Variants in GRAMD2B observed in about 807,000 individuals in gnomAD.
GRAMD2B encodes GRAM domain-containing protein 2B.
Under a neutral mutation model 59.2 loss-of-function variants are expected in GRAMD2B, and 41 were observed. The ratio of observed to expected loss-of-function variants is 0.69; its 90% CI spans 0.54 to 0.90. The LOEUF is 0.90. GRAMD2B is among the 40% of genes least tolerant of loss of function. GRAMD2B has a pLI of 0.00. For synonymous variants in GRAMD2B, 161 were observed against 182.7 expected, an observed-to-expected ratio of 0.88 and a Z score of 0.96; for missense variants, 424 against 500.5, an observed-to-expected ratio of 0.85 and a Z score of 1.46.
At position 126,465,321 on chromosome 5, in the gene GRAMD2B, A is replaced by G. The variant is rs533853944; in HGVS notation, c.84-105A>G. ...AAAGTTAACTAGCCTATCAGTGAGGAATGAAAATCATTCCATTCTCTAGAA... is the reference window on the plus strand; with the variant it reads ...AAAGTTAACTAGCCTATCAGTGAGGGATGAAAATCATTCCATTCTCTAGAA... On this transcript the variant is annotated intron_variant, in intron 1 of 13. Transcript: ENST00000285689. 7 of 1,574,094 alleles carry G rather than the reference A, an allele frequency of 4.4e-6. No individual in the cohort carries two copies. The South Asian group carries it at 8.4e-5, about 19-fold the overall frequency.
rs772024044 is a variant in GRAMD2B, at chr5:126,436,363, A to T, written c.83+12674A>T. 4.8e-4 allele frequency among the ~76,000 whole-genome samples: 73 copies of T among 152,178 alleles called. 2 individuals are homozygous for T. Among genetic ancestry groups the T allele is most frequent in the Non-Finnish European group, 5.9e-5 (4 of 68,036 alleles). On this transcript the variant is annotated intron_variant, in intron 1 of 13. Coordinates refer to ENST00000285689, the MANE Select transcript of GRAMD2B (RefSeq NM_023927.4). ...AGGCATGAACTGTGTCCCCTAGAACATTAGGCCCGGTGCGGTGACTCACAC... is the reference window on the plus strand; with the variant it reads ...AGGCATGAACTGTGTCCCCTAGAACTTTAGGCCCGGTGCGGTGACTCACAC...
At chr5:126,463,726 G>A (rs1408396334) in intron 1 of GRAMD2B, among the ~76,000 whole-genome samples, 2 of 152,154 alleles carry the variant, frequency 1.3e-5, no homozygotes, top group African/African-American at 2.4e-5. Flanking sequence ...AATTAAGAGC[G>A]TCAACCATTT....
intron 1 of GRAMD2B, among the ~76,000 whole-genome samples, chr5:126,413,441 A>G (rs1319337116): frequency 2.0e-5 from 3 of 151,984 alleles, no homozygotes; most frequent in Non-Finnish European, 4.4e-5. Flanking sequence ...ATCGATTTTC[A>G]TTTTTATTCT....
rs1379434207 is a variant in GRAMD2B, at chr5:126,423,523, G to C, written c.-84G>C. On this transcript the variant is annotated 5_prime_UTR_variant, in exon 1 of 14. Coordinates refer to ENST00000285689, the MANE Select transcript of GRAMD2B (RefSeq NM_023927.4). ...GGGCACGGCGCCGCTTGCTTGGCCT[G>C]CGCACCCGGACCTAGAAGCCGGGAC... The C allele has an allele frequency of 2.3e-5, 36 of 1,553,254 alleles. No individual in the cohort carries two copies. Among genetic ancestry groups the C allele is most frequent in the Admixed American group, 1.6e-4 (8 of 49,386 alleles).
chr5:126,384,972 G>A (rs898131669), intron 1 of GRAMD2B, among the ~76,000 whole-genome samples: 8 of 152,052 alleles, frequency 5.3e-5, no homozygotes, highest in African/African-American at 1.2e-4. Context: ...GTTTCTAACC[G>A]ATCACTGAGC....
intron 1 of GRAMD2B, among the ~76,000 whole-genome samples, chr5:126,457,586 G>T (rs62394664): frequency 0.034 from 5,230 of 151,872 alleles, 106 homozygotes; most frequent in Middle Eastern, 0.048. Context: ...AGCCAAGATT[G>T]CACCACTGCA....
chr5:126,484,558 G>A, intron 10 of GRAMD2B, 34 bp downstream of exon 10: 2 of 1,577,716 alleles, frequency 1.3e-6, no homozygotes, highest in Non-Finnish European at 1.7e-6. Flanking sequence ...GGTGGGTTTA[G>A]AAGGATTGGA....
intron 1 of GRAMD2B, among the ~76,000 whole-genome samples, chr5:126,399,556 G>T (rs1047049799): frequency 7.2e-5 from 11 of 152,102 alleles, no homozygotes; most frequent in African/African-American, 2.7e-4. Context: ...CTTCCACCAT[G>T]ATTGTAAGTT....
chr5:126,481,219 G>A lies in GRAMD2B; in HGVS notation c.735+512G>A, dbSNP rs1319378111. ...AAAAAAAAAAAAAGAAAGAAAGAAA[G>A]AAAGAAAGAAAGAAAGAAAGAAAGA... is the stretch of plus-strand genomic sequence containing the variant. On this transcript the variant is annotated intron_variant, in intron 8 of 13. Coordinates refer to ENST00000285689, the MANE Select transcript of GRAMD2B (RefSeq NM_023927.4). Among the ~76,000 whole-genome samples the A allele has an allele frequency of 2.1e-4, 18 of 85,516 alleles. 1 individual carries two copies. The highest frequency in any genetic ancestry group is 2.5e-4 in the African/African-American group (5 of 19,648). The allele number at this position is 85,516 out of a possible 152,430, so 56.1% of individuals were successfully genotyped here.
intron 1 of GRAMD2B, among the ~76,000 whole-genome samples, chr5:126,402,187 G>A (rs1580805559): frequency 1.3e-5 from 2 of 152,012 alleles, no homozygotes; most frequent in South Asian, 4.1e-4. Context: ...GTATCTGTAG[G>A]GCTTCTACCA....
At chr5:126,398,381 T>C (rs1180208798) in intron 1 of GRAMD2B, among the ~76,000 whole-genome samples, 1 of 152,050 alleles carries the variant, frequency 6.6e-6, no homozygotes, top group Non-Finnish European at 1.5e-5. Context: ...TTCTAGGAAT[T>C]TCTTCTAATT....
chr5:126,443,980 A>G (rs192607851), intron 1 of GRAMD2B, among the ~76,000 whole-genome samples: 2 of 152,130 alleles, frequency 1.3e-5, no homozygotes, highest in African/African-American at 2.4e-5. Context: ...TGAACCCAGG[A>G]GGCAGAGGTT....
chr5:126,376,064 A>T (rs919291846), intron 1 of GRAMD2B, among the ~76,000 whole-genome samples: 31 of 152,238 alleles, frequency 2.0e-4, no homozygotes, highest in African/African-American at 7.2e-4. Context: ...TTGGTGAATT[A>T]AGAGTTTCAT....
intron 1 of GRAMD2B, among the ~76,000 whole-genome samples, chr5:126,380,555 T>C (rs1030052788): frequency 1.3e-5 from 2 of 152,198 alleles, no homozygotes; most frequent in African/African-American, 4.8e-5. Flanking sequence ...TTCCATTTGT[T>C]TGTGTTGTCT....
intron 1 of GRAMD2B, among the ~76,000 whole-genome samples, chr5:126,413,080 G>C (rs1401384542): frequency 6.6e-6 from 1 of 151,822 alleles, no homozygotes; most frequent in Admixed American, 6.6e-5. Context: ...TTGATTCTTT[G>C]AATGGAATTC....
chr5:126,384,652 TCTGTGACC>T (rs1246606078), intron 1 of GRAMD2B, among the ~76,000 whole-genome samples: 3 of 152,242 alleles, frequency 2.0e-5, no homozygotes, highest in Non-Finnish European at 2.9e-5. Context: ...AGGAGAATTA[TCTGTGACC>T]CTGGTCAGCT....
chr5:126,444,760 C>T (rs10052751), intron 1 of GRAMD2B, among the ~76,000 whole-genome samples: 5,498 of 152,154 alleles, frequency 0.036, 337 homozygotes, highest in African/African-American at 0.12. Flanking sequence ...CATAGGTAGA[C>T]GGGTGCCATG....
chr5:126,383,391 T>C (rs1755827402), intron 1 of GRAMD2B, among the ~76,000 whole-genome samples: 1 of 152,210 alleles, frequency 6.6e-6, no homozygotes, highest in South Asian at 2.1e-4. Context: ...TGGAGCTACA[T>C]GGGGCAAATT....
chr5:126,454,363 C>T lies in GRAMD2B; in HGVS notation c.84-11063C>T, dbSNP rs183910187. ...ATCCTAGAGATCATTGCTGTGCGTT[C>T]CAAGGGTGGAAGGGAAATCACTGCA... On this transcript the variant is annotated intron_variant, in intron 1 of 13. Coordinates refer to ENST00000285689, the MANE Select transcript of GRAMD2B (RefSeq NM_023927.4). Among the ~76,000 whole-genome samples, 245 of 152,164 alleles carry T rather than the reference C, an allele frequency of 1.6e-3. 1 individual carries two copies. Among genetic ancestry groups the T allele is most frequent in the Admixed American group, 3.1e-3 (47 of 15,288 alleles).
Sources: allele counts gnomAD v4.1 joint callset (sites outside exome capture counted in the v4.1 genomes callset), GRCh38; gene constraint gnomAD v4.1.1; transcripts MANE v1.5; gene names NCBI Gene and HGNC (gene_info 2026-07-23, HGNC 2026-07-21).